The following TSPAN9 variants were observed in gnomAD, a reference collection of about 807,000 sequenced individuals.
TSPAN9 encodes the protein tetraspanin-9.
In TSPAN9, 16 loss-of-function variants were observed where a neutral mutation model predicts 31.0. The ratio of observed to expected loss-of-function variants is 0.52; its 90% CI spans 0.35 to 0.78. The LOEUF (loss-of-function observed/expected upper bound fraction) is 0.78, where lower values mean the gene tolerates loss of function less well. Ranked by LOEUF, TSPAN9 falls within the 30% of genes least tolerant of loss-of-function variation. TSPAN9 has a pLI of 0.01. For missense variants in TSPAN9, 272 were observed against 312.5 expected (o/e 0.87, Z 0.98); for synonymous variants, 145 against 121.6 (o/e 1.19, Z -1.27).
At chr12:3,094,161 C>T (rs1408751083) in intron 2 of TSPAN9, among the ~76,000 whole-genome samples, 1 of 152,162 alleles carries the variant, frequency 6.6e-6, no homozygotes, top group Non-Finnish European at 1.5e-5. Flanking sequence ...CCACCACGCC[C>T]AGCCCAGGAG....
chr12:3,255,764 C>G (rs988348582), intron 3 of TSPAN9, among the ~76,000 whole-genome samples: 7 of 152,190 alleles, frequency 4.6e-5, no homozygotes, highest in Non-Finnish European at 8.8e-5. Flanking sequence ...TAGGCAAAGC[C>G]TTTGTGTAGA....
intron 3 of TSPAN9, among the ~76,000 whole-genome samples, chr12:3,274,518 C>T (rs923536944): frequency 6.6e-6 from 1 of 152,122 alleles, no homozygotes. Flanking sequence ...GGACCTGTGG[C>T]GAAGGCCCAG....
chr12:3,141,148 A>G (rs2098334638), intron 2 of TSPAN9, among the ~76,000 whole-genome samples: 1 of 152,028 alleles, frequency 6.6e-6, no homozygotes, highest in Non-Finnish European at 1.5e-5. Context: ...GGGTTAGCTC[A>G]GCTTCCACAG....
At chr12:3,258,990 G>A (rs1864423476) in intron 3 of TSPAN9, among the ~76,000 whole-genome samples, 1 of 152,128 alleles carries the variant, frequency 6.6e-6, no homozygotes, top group Non-Finnish European at 1.5e-5. Flanking sequence ...AGGTTGGGCT[G>A]ATTTAATTAG....
chr12:3,088,760 C>T (rs2098302106), intron 2 of TSPAN9, among the ~76,000 whole-genome samples: 1 of 152,058 alleles, frequency 6.6e-6, no homozygotes, highest in African/African-American at 2.4e-5. Context: ...AGAGAAGGGT[C>T]TCTGAGGGGT....
intron 2 of TSPAN9, among the ~76,000 whole-genome samples, chr12:3,109,035 A>C (rs1325240090): frequency 1.3e-5 from 2 of 151,498 alleles, no homozygotes; most frequent in Non-Finnish European, 2.9e-5. Context: ...TCTCGGGTTT[A>C]CACCATTCTC....
intron 4 of TSPAN9, 130 bp from the exon 5 acceptor site, chr12:3,278,862 T>C (rs1862844879): frequency 9.5e-7 from 1 of 1,047,242 alleles, no homozygotes; most frequent in Admixed American, 2.1e-5. Context: ...CTGGGTTTCC[T>C]CAGGAGGAGC....
intron 3 of TSPAN9, among the ~76,000 whole-genome samples, chr12:3,274,829 C>A (rs114660554): frequency 2.0e-5 from 3 of 152,228 alleles, no homozygotes; most frequent in Admixed American, 1.3e-4. Context: ...ACTGCACAGG[C>A]CTCCTCACTG....
intron 3 of TSPAN9, among the ~76,000 whole-genome samples, chr12:3,270,618 C>T (rs1341824848): frequency 1.3e-5 from 2 of 152,228 alleles, no homozygotes; most frequent in Non-Finnish European, 2.9e-5. Flanking sequence ...CAGGGCCAAC[C>T]CTGCTCCCAG....
At chr12:3,100,498 T>C (rs554121031) in intron 2 of TSPAN9, among the ~76,000 whole-genome samples, 13 of 152,318 alleles carry the variant, frequency 8.5e-5, no homozygotes, top group Non-Finnish European at 1.8e-4. Flanking sequence ...CTTGCCTGTT[T>C]TGTTCCATTC....
chr12:3,256,752 C>T (rs1862354839), intron 3 of TSPAN9, among the ~76,000 whole-genome samples: 1 of 152,122 alleles, frequency 6.6e-6, no homozygotes, highest in African/African-American at 2.4e-5. Context: ...TTTCGCATTG[C>T]CTACAAGACA....
chr12:3,135,686 C>A (rs1356407058), intron 2 of TSPAN9, among the ~76,000 whole-genome samples: 1 of 152,110 alleles, frequency 6.6e-6, no homozygotes, highest in Admixed American at 6.5e-5. Flanking sequence ...CCAGGTCCAT[C>A]GTATTCAAGT....
chr12:3,230,139 A>G (rs984708703), intron 3 of TSPAN9, among the ~76,000 whole-genome samples: 3 of 151,996 alleles, frequency 2.0e-5, no homozygotes, highest in Admixed American at 2.0e-4. Context: ...GCATCACTCT[A>G]TGGAGGCGTC....
At chr12:3,247,297 C>G (rs1323509105) in intron 3 of TSPAN9, among the ~76,000 whole-genome samples, 3 of 17,610 alleles carry the variant, frequency 1.7e-4, no homozygotes, top group Non-Finnish European at 1.9e-4. Flanking sequence ...CATTACTGGC[C>G]AGCCCCCCCC....
chr12:3,216,585 T>C (rs2098381536), intron 3 of TSPAN9, among the ~76,000 whole-genome samples: 1 of 152,218 alleles, frequency 6.6e-6, no homozygotes, highest in African/African-American at 2.4e-5. Flanking sequence ...GGGTGCCTGG[T>C]GTCCAGGTCC....
At chr12:3,089,987 A>G (rs1173775739) in intron 2 of TSPAN9, among the ~76,000 whole-genome samples, 1 of 152,160 alleles carries the variant, frequency 6.6e-6, no homozygotes, top group East Asian at 1.9e-4. Flanking sequence ...ATATCCAAAC[A>G]TTACATAAAT....
chr12:3,143,157 A>G lies in TSPAN9; in HGVS notation c.-17-58020A>G, dbSNP rs954333998. ...GAATGTGATGTCTGTGTGTCTTATTACTGGTGATGATGCCCTGCTCACTTG... is the reference window on the plus strand; with the variant it reads ...GAATGTGATGTCTGTGTGTCTTATTGCTGGTGATGATGCCCTGCTCACTTG... On this transcript the variant is annotated intron_variant, in intron 2 of 8. Transcript: ENST00000011898. This position sits in a 1 kb window ranked among gnomAD's most constrained non-coding sequence, Gnocchi z 4.2. Among the ~76,000 whole-genome samples, 69 of 152,020 alleles carry G rather than the reference A, an allele frequency of 4.5e-4. No homozygotes were observed. Among genetic ancestry groups the G allele is most frequent in the African/African-American group, 1.6e-3 (67 of 41,398 alleles).
At chr12:3,102,242 C>A (rs1396362888) in intron 2 of TSPAN9, among the ~76,000 whole-genome samples, 2 of 151,912 alleles carry the variant, frequency 1.3e-5, no homozygotes, top group South Asian at 2.1e-4. Context: ...TTCTGCCTCA[C>A]CCTCCTAAGT....
rs113424745 is a variant in TSPAN9, at chr12:3,171,322, G to A, written c.-17-29855G>A. Among the ~76,000 whole-genome samples, 579 of 152,100 alleles carry A rather than the reference G, an allele frequency of 3.8e-3. 2 individuals carry two copies. The highest frequency in any genetic ancestry group is 0.012 in the African/African-American group (518 of 41,458). On this transcript the variant is annotated intron_variant, in intron 2 of 8. Transcript: ENST00000011898. Reference sequence around the variant, plus strand: ...TTTCCTCCTGGTTTTGTGCACTGCCGTAAACCCAGTAACTAGATCACATGA... The same window carrying A: ...TTTCCTCCTGGTTTTGTGCACTGCCATAAACCCAGTAACTAGATCACATGA...
Sources: allele counts gnomAD v4.1 joint callset (sites outside exome capture counted in the v4.1 genomes callset), GRCh38; gene constraint gnomAD v4.1.1; non-coding constraint Gnocchi (gnomAD v3.1); transcripts MANE v1.5; gene names NCBI Gene and HGNC (gene_info 2026-07-23, HGNC 2026-07-21).